The following DQX1 variants were observed in gnomAD, a reference collection of about 807,000 sequenced individuals.
DQX1 encodes ATP-dependent RNA helicase homolog DQX1.
DQX1 carries 66 observed loss-of-function variants against 81.3 expected under a neutral mutation model. The observed-to-expected ratio is 0.81, with a 90% confidence interval of 0.67 to 1.00. The LOEUF (loss-of-function observed/expected upper bound fraction) is 1.00, where lower values mean the gene tolerates loss of function less well. Ranked by LOEUF, DQX1 falls within the 50% of genes least tolerant of loss-of-function variation. The pLI, the probability that DQX1 is intolerant of heterozygous loss-of-function variation, is 0.00. For missense variants in DQX1, 798 were observed against 867.9 expected, an observed-to-expected ratio of 0.92 and a Z score of 1.01; for synonymous variants, 290 against 350.0, an observed-to-expected ratio of 0.83 and a Z score of 1.91.
At position 74,523,540 on chromosome 2, in the gene DQX1, GAGA is replaced by G. The variant is rs1251383551; in HGVS notation, c.817-6_817-4del. The G allele has an allele frequency of 5.6e-6, 9 of 1,613,172 alleles. No individual in the cohort carries two copies. The highest frequency in any genetic ancestry group is 5.3e-5 in the African/African-American group (4 of 74,974). On this transcript the variant is annotated splice_polypyrimidine_tract_variant and splice_region_variant and intron_variant, in intron 4 of 11. Transcript: ENST00000404568. ...GATTCACAGCACAGGGAAATTTCCT[GAGA>G]AGAAGGGTGGGTGGGGCATTAGGGC... is the stretch of plus-strand genomic sequence containing the variant.
chr2:74,521,267 G>C (rs535235451), intron 8 of DQX1, among the ~76,000 whole-genome samples: 1 of 152,306 alleles, frequency 6.6e-6, no homozygotes, highest in Non-Finnish European at 1.5e-5. Flanking sequence ...GAGAGGAAAA[G>C]ATTTTGTGGT....
At chr2:74,526,004 G>A in intron 1 of DQX1, 132 bp downstream of exon 1, 1 of 426,190 alleles carries the variant, frequency 2.3e-6, no homozygotes. Context: ...TCTTACTTAG[G>A]CAGGGGTCCT....
intron 8 of DQX1, among the ~76,000 whole-genome samples, chr2:74,521,305 A>G (rs1675016565): frequency 6.6e-6 from 1 of 152,126 alleles, no homozygotes; most frequent in Non-Finnish European, 1.5e-5. Flanking sequence ...GGTTTAATAG[A>G]GCATTTGAGT....
chr2:74,520,879 C>G lies in DQX1; in HGVS notation c.1496-845G>C, dbSNP rs558950121. On this transcript the variant is annotated intron_variant, in intron 8 of 11. Coordinates refer to ENST00000404568, the MANE Select transcript of DQX1 (RefSeq NM_133637.3). ...TAGAGACAGGGTCTCTCCTATGTTGCCCAGGCTGGTCTCAAACTCCTGACC... is the reference window on the plus strand; with the variant it reads ...TAGAGACAGGGTCTCTCCTATGTTGGCCAGGCTGGTCTCAAACTCCTGACC... 2.5e-3 allele frequency among the ~76,000 whole-genome samples: 374 copies of G among 152,174 alleles called. 1 individual carries two copies. Among genetic ancestry groups the G allele is most frequent in the Non-Finnish European group, 4.0e-3 (273 of 68,020 alleles).
rs1674940164 is a variant in DQX1 at position 74,518,304 on chromosome 2, C to T, written c.*142G>A. On this transcript the variant is annotated 3_prime_UTR_variant, in exon 12 of 12. Coordinates refer to ENST00000404568, the MANE Select transcript of DQX1 (RefSeq NM_133637.3). ...CCCCATTCTTTCCATTCCCAGTCTACCATTTCTTGGGACTCAGGTTCCAGG... is the reference window on the plus strand; with the variant it reads ...CCCCATTCTTTCCATTCCCAGTCTATCATTTCTTGGGACTCAGGTTCCAGG... 2.1e-6 allele frequency: 2 copies of T among 956,286 alleles called. No homozygotes were observed. Among genetic ancestry groups the T allele is most frequent in the African/African-American group, 3.3e-5 (2 of 60,732 alleles). The allele number at this position is 956,286 out of a possible 1,614,324, so 59.2% of individuals were successfully genotyped here.
At chr2:74,523,085 G>A (rs1445455998) in intron 6 of DQX1, 34 bp downstream of exon 6, 1 of 1,613,964 alleles carries the variant, frequency 6.2e-7, no homozygotes, top group East Asian at 2.2e-5. Context: ...GTGACTCTTG[G>A]GTTTTTTATT....
At chr2:74,521,601 G>A (rs1300715848) in intron 8 of DQX1, among the ~76,000 whole-genome samples, 4 of 150,538 alleles carry the variant, frequency 2.7e-5, no homozygotes, top group African/African-American at 9.8e-5. Context: ...AGTGAGCTGA[G>A]ATCATGCCAT....
chr2:74,518,353 G>C lies in DQX1; in HGVS notation c.*93C>G. ...GGGTTTACATTTGACCCTAAACTTT[G>C]GGCTTCTAAATCTGTCTGGGTGCTT... On this transcript the variant is annotated 3_prime_UTR_variant, in exon 12 of 12. Transcript: ENST00000404568. 2.7e-6 allele frequency: 4 copies of C among 1,472,194 alleles called. No individual in the cohort carries two copies. The highest frequency in any genetic ancestry group is 3.7e-6 in the Non-Finnish European group (4 of 1,086,358). The allele number at this position is 1,472,194 out of a possible 1,614,324, so 91.2% of individuals were successfully genotyped here. A position where few individuals can be genotyped will look rare whatever the true frequency, so the allele number is the denominator to read the frequency against.
At chr2:74,518,679 C>T (rs1674950448) in intron 11 of DQX1, 77 bp from the exon 12 acceptor site, 6 of 1,432,232 alleles carry the variant, frequency 4.2e-6, no homozygotes, top group Non-Finnish European at 5.8e-6. Flanking sequence ...CAGGGTCTCG[C>T]TCTGTTACCT....
Position 74,525,768 on chromosome 2 carries a change from C to T in DQX1, c.-19-20G>A. On this transcript the variant is annotated intron_variant, in intron 1 of 11. Coordinates refer to ENST00000404568, the MANE Select transcript of DQX1 (RefSeq NM_133637.3). The surrounding 1 kb of genome is among the most constrained non-coding windows in gnomAD (Gnocchi z 4.1). The stretch of plus-strand genomic sequence containing the variant: ...CAGGACCTGCAGAAGGCAGAGCAGC[C>T]AGTAAGGTCATATTTGGTGACCGAC... 2 of 1,521,022 alleles carry T rather than the reference C, an allele frequency of 1.3e-6. No individual in the cohort carries two copies. The highest frequency in any genetic ancestry group is 1.8e-6 in the Non-Finnish European group (2 of 1,123,240). 94.2% of individuals were successfully genotyped at this position (1,521,022 alleles called of 1,614,324 possible).
In DQX1 at chr2:74,522,938, C is replaced by T. The variant is rs770715047; in HGVS notation, c.1221G>A (p.Glu407=). Residue 407 remains glutamate (E), a synonymous_variant, in exon 7 of 12, where the codon GAG becomes GAA. Transcript: ENST00000404568. ...GTAACACCAGGGAGCTCAGATTCTC[C>T]TCACACACCCTGGGTTGTGGCAATG... The part of the protein sequence containing the change: ...APPLPQPRVC[E]ENLSSLVLLL... The T allele has an allele frequency of 2.5e-6, 4 of 1,614,076 alleles. No homozygotes were observed. The highest frequency in any genetic ancestry group is 2.2e-5 in the South Asian group (2 of 91,090).
In DQX1 at chr2:74,523,432, C is replaced by T. The variant is rs540562599; in HGVS notation, c.922G>A (p.Val308Ile). The change falls in exon 5 of 12, where the codon GTT (valine) becomes ATT (isoleucine). Residue 308 changes from valine (V) to isoleucine (I), a missense_variant. Coordinates refer to ENST00000404568, the MANE Select transcript of DQX1 (RefSeq NM_133637.3). ...TCCATGTCCTCATACACAGCCTGAA[C>T]GGCTCGTCCACAGTCTGGGTGAAGG... The part of the protein sequence containing the change: ...LPLHPDCGRA[V>I]QAVYEDMDAR... 1.4e-5 allele frequency: 22 copies of T among 1,614,156 alleles called. No individual in the cohort carries two copies. Among genetic ancestry groups the T allele is most frequent in the Middle Eastern group, 1.6e-4 (1 of 6,062 alleles).
Position 74,525,512 on chromosome 2 carries a change from C to G in DQX1, c.218G>C (p.Gly73Ala), listed in dbSNP as rs1675152947. The G allele has an allele frequency of 6.4e-7, 1 of 1,552,266 alleles. No individual in the cohort carries two copies. Among genetic ancestry groups the G allele is most frequent in the East Asian group, 2.4e-5 (1 of 40,924 alleles). Residue 73 changes from glycine to alanine, a missense_variant, in exon 2 of 12, where the codon GGT becomes GCT. Transcript: ENST00000404568. The surrounding 1 kb of genome is among the most constrained non-coding windows in gnomAD (Gnocchi z 4.1). Reference protein sequence around the residue: ...TGVVLVSGEPGSGKSTQIPQW... With the variant: ...TGVVLVSGEPASGKSTQIPQW... Reference sequence around the variant, plus strand: ...CCACACCTGGGTGCTCTTGCCAGAACCAGGCTCCCCAGACACCAGCACCAC... The same window carrying G: ...CCACACCTGGGTGCTCTTGCCAGAAGCAGGCTCCCCAGACACCAGCACCAC...
chr2:74,519,933 A>G lies in DQX1; in HGVS notation c.1597T>C (p.Tyr533His), dbSNP rs745314012. 10 of 1,614,196 alleles carry G rather than the reference A, an allele frequency of 6.2e-6. No homozygotes were observed. Among genetic ancestry groups the G allele is most frequent in the Non-Finnish European group, 8.5e-6 (10 of 1,180,018 alleles). The change falls in exon 9 of 12, where the codon TAT (tyrosine) becomes CAT (histidine). Residue 533 changes from tyrosine (Y) to histidine (H), a missense_variant. Physicochemically the swap from Tyr to His is moderately conservative, Grantham distance 83. Coordinates refer to ENST00000404568, the MANE Select transcript of DQX1 (RefSeq NM_133637.3). Reference sequence around the variant, plus strand: ...AACTCACTTTGTATAAAGGCTTCATACACCTGGATCAGAGAACTGTGGTCA... The same window carrying G: ...AACTCACTTTGTATAAAGGCTTCATGCACCTGGATCAGAGAACTGTGGTCA... ...DGDHSSLIQV[Y>H]EAFIQSGADE...
chr2:74,524,751 T>C (rs188957730), intron 3 of DQX1, among the ~76,000 whole-genome samples: 78 of 151,386 alleles, frequency 5.2e-4, no homozygotes, highest in African/African-American at 1.7e-3. Context: ...GGCGTGGAGG[T>C]GCGCGCCTGT....
In DQX1 at chr2:74,518,290, C is replaced by T; in HGVS notation, c.*156G>A. 1.2e-6 allele frequency: 1 copy of T among 824,164 alleles called. No individual in the cohort carries two copies. The highest frequency in any genetic ancestry group is 2.7e-5 in the East Asian group (1 of 37,664). 51.1% of individuals were successfully genotyped at this position (824,164 alleles called of 1,614,324 possible). On this transcript the variant is annotated 3_prime_UTR_variant, in exon 12 of 12. Coordinates refer to ENST00000404568, the MANE Select transcript of DQX1 (RefSeq NM_133637.3). ...TAGACTGTGGTTTACCCCATTCTTTCCATTCCCAGTCTACCATTTCTTGGG... is the reference window on the plus strand; with the variant it reads ...TAGACTGTGGTTTACCCCATTCTTTTCATTCCCAGTCTACCATTTCTTGGG...
At position 74,525,247 on chromosome 2, in the gene DQX1, A is replaced by C. The variant is rs766730015; in HGVS notation, c.238-45T>G. ...GGAGAGCCAGTGAGGAAGATGTAGG[A>C]CTTCAGTCAGAAGTGCTCAGGGAAC... On this transcript the variant is annotated intron_variant, in intron 2 of 11. Transcript: ENST00000404568. This position sits in a 1 kb window ranked among gnomAD's most constrained non-coding sequence, Gnocchi z 4.1. The C allele has an allele frequency of 6.9e-5, 102 of 1,479,250 alleles. No individual in the cohort carries two copies. Among genetic ancestry groups the C allele is most frequent in the Non-Finnish European group, 8.8e-5 (97 of 1,108,172 alleles). The allele number at this position is 1,479,250 out of a possible 1,614,324, so 91.6% of individuals were successfully genotyped here.
chr2:74,522,896 CTG>C lies in DQX1; in HGVS notation c.1261_1262del (p.Gln421AspfsTer33), dbSNP rs761737636. On this transcript the variant is annotated frameshift_variant, in exon 7 of 12. Coordinates refer to ENST00000404568, the MANE Select transcript of DQX1 (RefSeq NM_133637.3). LOFTEE classifies it high-confidence loss of function. ...AGTGACACTCCCCTGGCTCTGCAAT[CTG>C]TCTCCTTTTTAGTAGTAACACCAGG... ...SSLVLLLKRR[Q>X]IAEPGECHFL... 28 of 1,614,062 alleles carry C rather than the reference CTG, an allele frequency of 1.7e-5. No individual in the cohort carries two copies. The highest frequency in any genetic ancestry group is 2.7e-5 in the African/African-American group (2 of 74,930).
Position 74,524,888 on chromosome 2 carries a change from TAAATA to T in DQX1, c.431+116_431+120del, listed in dbSNP as rs1420159385. The T allele has an allele frequency of 3.6e-5, 46 of 1,277,370 alleles. 1 individual carries two copies. In the African/African-American group the frequency reaches 4.5e-4, roughly 12 times the overall value. 79.1% of individuals were successfully genotyped at this position (1,277,370 alleles called of 1,614,324 possible). On this transcript the variant is annotated intron_variant, in intron 3 of 11. Coordinates refer to ENST00000404568, the MANE Select transcript of DQX1 (RefSeq NM_133637.3). Reference sequence around the variant, plus strand: ...ACAGAGTGAGACCCTTTCTCCAAAATAAATAAAATAAAAAAGAGTGAGTTGGGCTA... The same window carrying T: ...ACAGAGTGAGACCCTTTCTCCAAAATAAATAAAAAAGAGTGAGTTGGGCTA...
Sources: gnomAD v4.1 joint callset for allele counts (sites outside exome capture counted in the v4.1 genomes callset) on GRCh38, gnomAD v4.1.1 for gene constraint, Gnocchi (gnomAD v3.1) non-coding constraint, MANE v1.5 for transcripts, NCBI Gene and HGNC (gene_info 2026-07-23, HGNC 2026-07-21) for gene names.